The following AGBL4 variants were observed in gnomAD, a reference collection of about 807,000 sequenced individuals.
AGBL4 encodes the protein cytosolic carboxypeptidase 6.
In AGBL4, 58 loss-of-function variants were observed where a neutral mutation model predicts 66.4. That is an observed-to-expected ratio of 0.87 (90% CI 0.71 to 1.09). AGBL4 has a LOEUF of 1.09. Among genes scored for constraint, AGBL4 ranks in the 50% least tolerant of loss-of-function variants. The pLI is 0.00. For synonymous variants in AGBL4, 234 were observed against 222.9 expected, an observed-to-expected ratio of 1.05 and a Z score of -0.44; for missense variants, 579 against 631.0, an observed-to-expected ratio of 0.92 and a Z score of 0.88.
intron 5 of AGBL4, among the ~76,000 whole-genome samples, chr1:48,991,715 C>G (rs763939028): frequency 6.6e-6 from 1 of 151,978 alleles, no homozygotes; most frequent in Admixed American, 6.6e-5. Flanking sequence ...TTTCAAATAG[C>G]CTTTCTTCAA....
rs577752033 is a variant in AGBL4, at chr1:49,723,761, C to T, written c.158-26324G>A. Among the ~76,000 whole-genome samples the T allele has an allele frequency of 3.3e-5, 5 of 152,192 alleles. No individual in the cohort carries two copies. In the East Asian group the frequency reaches 9.7e-4, roughly 29 times the overall value. ...GTGATTGAAAACACTAGCGATGAGT[C>T]AGAAAGTCATAGTTTTAAAGCTGTG... On this transcript the variant is annotated intron_variant, in intron 2 of 13. Coordinates refer to ENST00000371839, the MANE Select transcript of AGBL4 (RefSeq NM_032785.4).
intron 9 of AGBL4, among the ~76,000 whole-genome samples, chr1:48,616,738 G>GTGTT (rs1645324950): frequency 4.6e-5 from 7 of 152,222 alleles, no homozygotes. Flanking sequence ...AGAACCCAAA[G>GTGTT]CTTCAGAATC....
chr1:48,905,968 C>T (rs1441704373), intron 5 of AGBL4, among the ~76,000 whole-genome samples: 1 of 152,134 alleles, frequency 6.6e-6, no homozygotes, highest in Non-Finnish European at 1.5e-5. Context: ...AAAATTCCTT[C>T]CCCCCATGGA....
chr1:49,755,853 T>C (rs1034080684), intron 2 of AGBL4, among the ~76,000 whole-genome samples: 1 of 152,240 alleles, frequency 6.6e-6, no homozygotes, highest in African/African-American at 2.4e-5. Context: ...GAGTGATCTT[T>C]CTAAAATGCA....
rs189379872 is a variant in AGBL4 at position 49,236,442 on chromosome 1, G to A, written c.377+9328C>T. 8.0e-4 allele frequency among the ~76,000 whole-genome samples: 122 copies of A among 152,230 alleles called. 1 individual carries two copies. Among genetic ancestry groups the A allele is most frequent in the African/African-American group, 2.9e-3 (119 of 41,532 alleles). On this transcript the variant is annotated intron_variant, in intron 4 of 13. Coordinates refer to ENST00000371839, the MANE Select transcript of AGBL4 (RefSeq NM_032785.4). ...TCTCTGGGAAGTCTCAGATCCTTCT[G>A]GGATTTTTGACATTCTATAAAATAT...
At chr1:49,668,824 C>T (rs1646419824) in intron 3 of AGBL4, among the ~76,000 whole-genome samples, 1 of 152,130 alleles carries the variant, frequency 6.6e-6, no homozygotes, top group Non-Finnish European at 1.5e-5. Context: ...CCCTCATTCC[C>T]CTAACAGGCA....
At chr1:49,389,119 T>C (rs1038120888) in intron 3 of AGBL4, among the ~76,000 whole-genome samples, 1 of 152,098 alleles carries the variant, frequency 6.6e-6, no homozygotes, top group African/African-American at 2.4e-5. Context: ...TCCAACTCTG[T>C]GGCACCAAAA....
intron 1 of AGBL4, among the ~76,000 whole-genome samples, chr1:49,946,329 A>C (rs1434867229): frequency 6.6e-6 from 1 of 152,048 alleles, no homozygotes; most frequent in Non-Finnish European, 1.5e-5. Context: ...GCCTCAATAA[A>C]TTTATAAAAT....
chr1:48,943,321 C>G (rs149221031), intron 5 of AGBL4, among the ~76,000 whole-genome samples: 6 of 152,290 alleles, frequency 3.9e-5, no homozygotes, highest in African/African-American at 1.4e-4. Flanking sequence ...TTGCAAGCGC[C>G]TTCACTCATC....
intron 6 of AGBL4, among the ~76,000 whole-genome samples, chr1:48,852,969 T>G (rs1000150243): frequency 4.5e-4 from 69 of 152,316 alleles, no homozygotes; most frequent in African/African-American, 1.6e-3. Context: ...AGTATTCACA[T>G]CCTTGTCTAG....
At chr1:48,663,733 T>C (rs917276890) in intron 6 of AGBL4, among the ~76,000 whole-genome samples, 1 of 152,214 alleles carries the variant, frequency 6.6e-6, no homozygotes, top group Non-Finnish European at 1.5e-5. Flanking sequence ...TAGCTATTTA[T>C]ATATTAGTAA....
intron 3 of AGBL4, among the ~76,000 whole-genome samples, chr1:49,693,869 T>C (rs907211072): frequency 1.1e-4 from 16 of 152,144 alleles, no homozygotes; most frequent in African/African-American, 3.9e-4. Context: ...CCACTAAGAA[T>C]ATTTAATATC....
At chr1:49,812,400 A>C (rs1299834712) in intron 2 of AGBL4, among the ~76,000 whole-genome samples, 1 of 152,188 alleles carries the variant, frequency 6.6e-6, no homozygotes, top group Non-Finnish European at 1.5e-5. Flanking sequence ...ACAAGGCTGT[A>C]TACATGGACT....
chr1:49,941,144 A>G (rs1250902070), intron 1 of AGBL4, among the ~76,000 whole-genome samples: 2 of 152,176 alleles, frequency 1.3e-5, no homozygotes, highest in African/African-American at 4.8e-5. Context: ...ATGAAAAAAT[A>G]GAAAATCTGA....
intron 6 of AGBL4, among the ~76,000 whole-genome samples, chr1:48,719,844 G>A (rs1647116089): frequency 6.6e-6 from 1 of 152,224 alleles, no homozygotes; most frequent in Non-Finnish European, 1.5e-5. Flanking sequence ...TGAGGTCACA[G>A]AGCTGGTAAG....
intron 1 of AGBL4, among the ~76,000 whole-genome samples, chr1:49,948,318 A>G (rs1206976833): frequency 1.3e-4 from 15 of 111,964 alleles, no homozygotes; most frequent in African/African-American, 4.8e-4. Context: ...ATATATATAT[A>G]AATATATAAA....
At chr1:49,334,721 T>A (rs17105634) in intron 3 of AGBL4, among the ~76,000 whole-genome samples, 4,190 of 152,264 alleles carry the variant, frequency 0.028, 165 homozygotes, top group African/African-American at 0.095. Context: ...ATTAGGCTCA[T>A]AGATCCCCTA....
At chr1:48,903,038 A>C (rs1470802973) in intron 5 of AGBL4, among the ~76,000 whole-genome samples, 2 of 152,142 alleles carry the variant, frequency 1.3e-5, no homozygotes, top group Non-Finnish European at 2.9e-5. Context: ...CTGTGCATAA[A>C]TTGATTTCAT....
intron 9 of AGBL4, among the ~76,000 whole-genome samples, chr1:48,596,787 G>C (rs987526789): frequency 2.6e-5 from 4 of 152,160 alleles, no homozygotes; most frequent in African/African-American, 9.6e-5. Flanking sequence ...GCACAGTGAA[G>C]GCTTTCTTCC....
Sources: gnomAD v4.1 joint callset for allele counts (sites outside exome capture counted in the v4.1 genomes callset) on GRCh38, gnomAD v4.1.1 for gene constraint, MANE v1.5 for transcripts, NCBI Gene and HGNC (gene_info 2026-07-23, HGNC 2026-07-21) for gene names.